Variants in ITCH observed in about 807,000 individuals in gnomAD.
ITCH encodes itchy E3 ubiquitin protein ligase.
A neutral mutation model predicts 126.8 loss-of-function variants in ITCH; 28 were observed. That is an observed-to-expected ratio of 0.22 (90% CI 0.16 to 0.30). The LOEUF is 0.30. Among genes scored for constraint, ITCH ranks in the 10% least tolerant of loss-of-function variants. ITCH has a pLI of 1.00. For missense variants in ITCH, 631 were observed against 1,032.4 expected (o/e 0.61, Z 5.33); for synonymous variants, 342 against 340.0 (o/e 1.01, Z -0.06).
At chr20:34,452,298 C>T (rs1985361973) in intron 12 of ITCH, among the ~76,000 whole-genome samples, 2 of 152,156 alleles carry the variant, frequency 1.3e-5, no homozygotes, top group African/African-American at 2.4e-5. Flanking sequence ...AGATCTTTCT[C>T]ATTTTTACTT....
chr20:34,479,619 T>G lies in ITCH; in HGVS notation c.1659-11T>G. The G allele has an allele frequency of 6.2e-7, 1 of 1,613,000 alleles. No homozygotes were observed. Among genetic ancestry groups the G allele is most frequent in the Non-Finnish European group, 8.5e-7 (1 of 1,179,118 alleles). ...CAAGATTTTTCATCGTAAATTTTCTTTTGATTTCAGAGAATGGTTCTTTCT... is the reference window on the plus strand; with the variant it reads ...CAAGATTTTTCATCGTAAATTTTCTGTTGATTTCAGAGAATGGTTCTTTCT... On this transcript the variant is annotated splice_polypyrimidine_tract_variant and intron_variant, in intron 17 of 24. Transcript: ENST00000374864.
chr20:34,500,988 T>A (rs1324360446), intron 23 of ITCH, among the ~76,000 whole-genome samples: 2 of 152,268 alleles, frequency 1.3e-5, no homozygotes, highest in African/African-American at 4.8e-5. Context: ...ATTTCTCCTG[T>A]ATGTCTGAAG....
intron 3 of ITCH, among the ~76,000 whole-genome samples, chr20:34,400,209 T>G (rs2038824669): frequency 6.6e-6 from 1 of 152,158 alleles, no homozygotes; most frequent in South Asian, 2.1e-4. Flanking sequence ...AGTGCTGGAA[T>G]TATAGGCGTG....
chr20:34,396,961 T>C (rs2038699072), intron 3 of ITCH, among the ~76,000 whole-genome samples: 1 of 152,150 alleles, frequency 6.6e-6, no homozygotes, highest in South Asian at 2.1e-4. Context: ...GGTATAGAGT[T>C]TCTTTAGTAT....
chr20:34,442,201 A>AT lies in ITCH; in HGVS notation c.870-4dup. 1 of 1,609,412 alleles carries AT rather than the reference A, an allele frequency of 6.2e-7. No homozygotes were observed. Among genetic ancestry groups the AT allele is most frequent in the Non-Finnish European group, 8.5e-7 (1 of 1,175,710 alleles). On this transcript the variant is annotated splice_region_variant and splice_polypyrimidine_tract_variant and intron_variant, in intron 9 of 24. Transcript: ENST00000374864. The stretch of plus-strand genomic sequence containing the variant: ...TATTTTACCAGCCTTTTAATTTTGT[A>AT]TTTAAGTTGGGAGCAGAGAGTGGAC...
At chr20:34,379,594 CTTTTTTTT>C (rs757940621) in intron 2 of ITCH, among the ~76,000 whole-genome samples, 2 of 135,536 alleles carry the variant, frequency 1.5e-5, no homozygotes, top group African/African-American at 2.7e-5. Context: ...AATATTTGTC[CTTTTTTTT>C]TTTTTTTTTT....
chr20:34,491,696 T>C (rs999049641), intron 22 of ITCH, among the ~76,000 whole-genome samples: 10 of 152,204 alleles, frequency 6.6e-5, no homozygotes, highest in African/African-American at 2.4e-4. Context: ...ATAAAAATTA[T>C]TCCTTATAAA....
Position 34,418,675 on chromosome 20 carries a change from C to T in ITCH, c.475+4796C>T, listed in dbSNP as rs143305798. Among the ~76,000 whole-genome samples, 30 of 151,370 alleles carry T rather than the reference C, an allele frequency of 2.0e-4. 1 individual carries two copies. Among genetic ancestry groups the T allele is most frequent in the African/African-American group, 4.1e-4 (17 of 41,212 alleles). ...AAAATTTGACTTACATTTGAACATA[C>T]GTCTATGTATGCTCAGAATATTAAA... On this transcript the variant is annotated intron_variant, in intron 6 of 24. Coordinates refer to ENST00000374864, the MANE Select transcript of ITCH (RefSeq NM_031483.7).
At chr20:34,490,898 A>G (rs1352819082) in intron 22 of ITCH, among the ~76,000 whole-genome samples, 2 of 152,186 alleles carry the variant, frequency 1.3e-5, no homozygotes, top group Non-Finnish European at 2.9e-5. Flanking sequence ...TTCATCATTC[A>G]TTTACCGACA....
chr20:34,420,856 C>T (rs1192497636), intron 6 of ITCH, among the ~76,000 whole-genome samples: 1 of 152,060 alleles, frequency 6.6e-6, no homozygotes, highest in Non-Finnish European at 1.5e-5. Flanking sequence ...ATTCTTTGCC[C>T]CAGAGAACAT....
intron 7 of ITCH, among the ~76,000 whole-genome samples, chr20:34,437,514 C>T (rs938639382): frequency 7.9e-5 from 12 of 152,168 alleles, no homozygotes; most frequent in African/African-American, 2.7e-4. Context: ...GTCATGTTGC[C>T]CAGGCTGATC....
chr20:34,476,518 T>G, intron 16 of ITCH: 2 of 1,116,920 alleles, frequency 1.8e-6, no homozygotes, highest in Non-Finnish European at 2.2e-6. Flanking sequence ...AAAGATAGTT[T>G]TAACCTTGTG....
intron 16 of ITCH, 132 bp from the exon 17 acceptor site, chr20:34,477,640 C>A: frequency 1.4e-6 from 1 of 734,050 alleles, no homozygotes; most frequent in Non-Finnish European, 2.4e-6. Flanking sequence ...GTGGTTTTGA[C>A]TAGACCATGA....
At chr20:34,468,334 G>A (rs544817878) in intron 14 of ITCH, among the ~76,000 whole-genome samples, 6 of 150,994 alleles carry the variant, frequency 4.0e-5, no homozygotes, top group African/African-American at 7.3e-5. Flanking sequence ...GCGCCCTGCC[G>A]GAAACATTTT....
At chr20:34,474,728 C>T (rs540502604) in intron 16 of ITCH, among the ~76,000 whole-genome samples, 1 of 152,208 alleles carries the variant, frequency 6.6e-6, no homozygotes, top group Admixed American at 6.5e-5. Context: ...CCTCACTTCC[C>T]AGTAGGGGCG....
At chr20:34,416,658 A>C (rs1460194570) in intron 6 of ITCH, among the ~76,000 whole-genome samples, 1 of 152,160 alleles carries the variant, frequency 6.6e-6, no homozygotes, top group Non-Finnish European at 1.5e-5. Context: ...AAATTTTCTA[A>C]AAATGGCAGT....
intron 18 of ITCH, 62 bp downstream of exon 18, chr20:34,479,851 G>C: frequency 7.0e-7 from 1 of 1,430,634 alleles, no homozygotes; most frequent in South Asian, 1.1e-5. Flanking sequence ...TTTTCTCTTA[G>C]GTGCCATAAC....
intron 12 of ITCH, among the ~76,000 whole-genome samples, chr20:34,455,991 A>G (rs1255781421): frequency 1.3e-5 from 2 of 151,620 alleles, no homozygotes; most frequent in Non-Finnish European, 2.9e-5. Context: ...AACTGGGTAT[A>G]TTAAGGAACG....
At chr20:34,408,289 G>T (rs1371966533) in intron 3 of ITCH, among the ~76,000 whole-genome samples, 1 of 152,156 alleles carries the variant, frequency 6.6e-6, no homozygotes, top group Admixed American at 6.5e-5. Context: ...TTCCAGATTG[G>T]TCTTCGACTA....
Sources: gnomAD v4.1 joint callset for allele counts (sites outside exome capture counted in the v4.1 genomes callset) on GRCh38, gnomAD v4.1.1 for gene constraint, MANE v1.5 for transcripts, NCBI Gene and HGNC (gene_info 2026-07-23, HGNC 2026-07-21) for gene names.